JHY: variants seen among roughly 807,000 people sequenced by gnomAD.
The protein encoded by JHY is junctional cadherin complex regulator, also known as jhy protein homolog.
In JHY, 69 loss-of-function variants were observed where a neutral mutation model predicts 78.0. The ratio of observed to expected loss-of-function variants is 0.88; its 90% confidence interval spans 0.73 to 1.08. The LOEUF is 1.08. JHY is among the 50% of genes least tolerant of loss of function. The pLI is 0.00. For missense variants in JHY, 944 were observed against 927.8 expected, an observed-to-expected ratio of 1.02 and a Z score of -0.23; for synonymous variants, 368 against 342.6, an observed-to-expected ratio of 1.07 and a Z score of -0.82.
intron 1 of JHY, among the ~76,000 whole-genome samples, chr11:122,884,075 G>T (rs1359386559): frequency 6.6e-6 from 1 of 152,120 alleles, no homozygotes; most frequent in Non-Finnish European, 1.5e-5. Context: ...TAATAAGGCA[G>T]AATGCAATAT....
chr11:122,950,339 C>A (rs1246136350), intron 6 of JHY, among the ~76,000 whole-genome samples: 1 of 152,122 alleles, frequency 6.6e-6, no homozygotes, highest in Non-Finnish European at 1.5e-5. Context: ...GTGAGGACAG[C>A]CTATTCACTG....
In JHY at chr11:122,959,239, T is replaced by C. The variant is rs946853072; in HGVS notation, c.2140-9T>C. On this transcript the variant is annotated splice_polypyrimidine_tract_variant and intron_variant, in intron 8 of 8. Transcript: ENST00000227349. ...CATTTCAAATAAAATTTCATCTTTA[T>C]GCGTTTAGGCTTTGGAATACGCTAA... 12 of 1,601,476 alleles carry C rather than the reference T, an allele frequency of 7.5e-6. No individual in the cohort carries two copies. The highest frequency in any genetic ancestry group is 7.7e-6 in the Non-Finnish European group (9 of 1,175,982).
Position 122,904,202 on chromosome 11 carries a change from A to G in JHY, c.622A>G (p.Lys208Glu), listed in dbSNP as rs76676798. 207 of 1,614,198 alleles carry G rather than the reference A, an allele frequency of 1.3e-4. 1 individual carries two copies. In the East Asian group the frequency reaches 4.5e-3, roughly 35 times the overall value. Reference protein sequence around the residue: ...PNYEHGARRSKPFSELSDSDL... With the variant: ...PNYEHGARRSEPFSELSDSDL... ...CTATGAGCATGGTGCCCGTCGCAGC[A>G]AGCCGTTTTCAGAGCTGAGCGACAG... The change falls in exon 3 of 9, where the codon AAG (lysine) becomes GAG (glutamate). Residue 208 changes from lysine to glutamate, a missense_variant. Physicochemically the swap from Lys to Glu is moderately conservative, Grantham distance 56. Transcript: ENST00000227349.
intron 5 of JHY, among the ~76,000 whole-genome samples, chr11:122,945,135 T>G (rs1863939144): frequency 6.6e-6 from 1 of 152,222 alleles, no homozygotes. Context: ...GATTGTCTAT[T>G]CTAGACTTCG....
chr11:122,893,366 A>G (rs1862666546), intron 2 of JHY, among the ~76,000 whole-genome samples: 1 of 152,196 alleles, frequency 6.6e-6, no homozygotes, highest in Non-Finnish European at 1.5e-5. Context: ...AAGGGTGTGC[A>G]TGGGCATGAA....
chr11:122,893,560 A>C (rs1022846980), intron 2 of JHY, among the ~76,000 whole-genome samples: 1 of 152,226 alleles, frequency 6.6e-6, no homozygotes, highest in Non-Finnish European at 1.5e-5. Context: ...GATTTATTTA[A>C]ATTTAAATGA....
chr11:122,897,894 A>T lies in JHY; in HGVS notation c.345-6031A>T, dbSNP rs557218356. On this transcript the variant is annotated intron_variant, in intron 2 of 8. Transcript: ENST00000227349. Reference sequence around the variant, plus strand: ...TATTTCCTTAAACTGAAGACTACCTAATTTTTAAAAATAGTGGGCATTACT... The same window carrying T: ...TATTTCCTTAAACTGAAGACTACCTTATTTTTAAAAATAGTGGGCATTACT... Among the ~76,000 whole-genome samples, 3 of 152,288 alleles carry T rather than the reference A, an allele frequency of 2.0e-5. No homozygotes were observed. In the East Asian group the frequency reaches 5.8e-4, roughly 29 times the overall value.
intron 3 of JHY, among the ~76,000 whole-genome samples, chr11:122,920,559 C>T (rs1169178856): frequency 6.6e-6 from 1 of 152,176 alleles, no homozygotes; most frequent in African/African-American, 2.4e-5. Context: ...AAAGCATCAA[C>T]TTTTTTTGTA....
chr11:122,956,167 A>T (rs1327529372), intron 6 of JHY, among the ~76,000 whole-genome samples: 3 of 151,982 alleles, frequency 2.0e-5, no homozygotes, highest in African/African-American at 4.8e-5. Context: ...AAAAAAAAAA[A>T]AATAAAATAA....
At chr11:122,903,523 G>A (rs1306938507) in intron 2 of JHY, among the ~76,000 whole-genome samples, 1 of 152,136 alleles carries the variant, frequency 6.6e-6, no homozygotes, top group African/African-American at 2.4e-5. Context: ...CTGTCTCCCA[G>A]GCTGGAGTGC....
intron 4 of JHY, among the ~76,000 whole-genome samples, chr11:122,929,222 T>C (rs2135347626): frequency 6.7e-6 from 1 of 149,090 alleles, no homozygotes; most frequent in South Asian, 2.2e-4. Context: ...CCACCACGCC[T>C]GGCCAAGGTT....
rs1252668287 is a variant in JHY at position 122,932,795 on chromosome 11, T to TC, written c.979-1623dup. 2.0e-5 allele frequency among the ~76,000 whole-genome samples: 3 copies of TC among 152,184 alleles called. No homozygotes were observed. In the East Asian group the frequency reaches 5.8e-4, roughly 29 times the overall value. ...TTGGAGCTATGTATTTGCAGAGCCT[T>TC]CCTGCCCGCATTTCCCCATGCAGCT... is the stretch of plus-strand genomic sequence containing the variant. On this transcript the variant is annotated intron_variant, in intron 4 of 8. Coordinates refer to ENST00000227349, the MANE Select transcript of JHY (RefSeq NM_024806.4).
chr11:122,903,547 T>A (rs1862906679), intron 2 of JHY, among the ~76,000 whole-genome samples: 1 of 152,170 alleles, frequency 6.6e-6, no homozygotes, highest in Non-Finnish European at 1.5e-5. Context: ...GTCGTGATTA[T>A]AGCTCACTGT....
chr11:122,915,435 A>G (rs1863214357), intron 3 of JHY, among the ~76,000 whole-genome samples: 1 of 152,232 alleles, frequency 6.6e-6, no homozygotes, highest in South Asian at 2.1e-4. Flanking sequence ...TGTCCAGGGA[A>G]GTCAGAGGGG....
At chr11:122,892,181 C>T (rs1024518171) in intron 2 of JHY, among the ~76,000 whole-genome samples, 2 of 151,906 alleles carry the variant, frequency 1.3e-5, no homozygotes, top group African/African-American at 4.8e-5. Flanking sequence ...CCATAGCCTC[C>T]ACAAAAGGGC....
intron 1 of JHY, among the ~76,000 whole-genome samples, chr11:122,884,711 T>C (rs1020339252): frequency 6.6e-6 from 1 of 152,190 alleles, no homozygotes; most frequent in African/African-American, 2.4e-5. Flanking sequence ...TTCCCCAGGA[T>C]AGCATCCCGT....
chr11:122,948,166 G>A (rs1408474810), intron 6 of JHY, among the ~76,000 whole-genome samples: 3 of 152,170 alleles, frequency 2.0e-5, no homozygotes, highest in South Asian at 2.1e-4. Flanking sequence ...TTTCTAGGCC[G>A]GGCGTGGTGG....
intron 3 of JHY, among the ~76,000 whole-genome samples, chr11:122,923,972 C>A (rs1863436919): frequency 6.8e-6 from 1 of 146,332 alleles, no homozygotes; most frequent in African/African-American, 2.6e-5. Context: ...CTCCTGCCCT[C>A]GTGATCCACC....
rs1440452312 is a variant in JHY at position 122,963,599 on chromosome 11, T to C, written c.*4154T>C. On this transcript the variant is annotated 3_prime_UTR_variant, in exon 9 of 9. Transcript: ENST00000227349. ...GTGACAGACACGTTTTTTGCTCCTG[T>C]TTTAAAGTAAATTGTACTAATGACA... Among the ~76,000 whole-genome samples, 1 of 152,182 alleles carries C rather than the reference T, an allele frequency of 6.6e-6. No homozygotes were observed. Among genetic ancestry groups the C allele is most frequent in the Admixed American group, 6.5e-5 (1 of 15,274 alleles).
Sources: gnomAD v4.1 joint callset for allele counts (sites outside exome capture counted in the v4.1 genomes callset) on GRCh38, gnomAD v4.1.1 for gene constraint, MANE v1.5 for transcripts, NCBI Gene and HGNC (gene_info 2026-07-23, HGNC 2026-07-21) for gene names.